Variants in TUT7 observed in about 807,000 individuals in gnomAD.
TUT7 encodes the protein terminal uridylyltransferase 7.
TUT7 carries 33 observed loss-of-function variants against 165.9 expected under a neutral mutation model. The ratio of observed to expected loss-of-function variants is 0.20; its 90% confidence interval spans 0.15 to 0.27. The LOEUF is 0.27. Among genes scored for constraint, TUT7 ranks in the 10% least tolerant of loss-of-function variants. The pLI is 1.00. For missense variants in TUT7, 1,338 were observed against 1,762.3 expected, an observed-to-expected ratio of 0.76 and a Z score of 4.31; for synonymous variants, 552 against 608.1, an observed-to-expected ratio of 0.91 and a Z score of 1.36.
Position 86,353,038 on chromosome 9 carries a change from CTTT to C in TUT7, c.159_161del (p.Lys55del). The C allele has an allele frequency of 6.2e-7, 1 of 1,614,096 alleles. No individual in the cohort carries two copies. Among genetic ancestry groups the C allele is most frequent in the South Asian group, 1.1e-5 (1 of 91,082 alleles). On this transcript the variant is annotated inframe_deletion, in exon 2 of 27. Coordinates refer to ENST00000375963, the MANE Select transcript of TUT7 (RefSeq NM_024617.4). ...TCCCATAGTTCCCTGGTGTTATCTTCTTTTTTTGAAGGCCCTTTTCCATTTTAC... is the reference window on the plus strand; with the variant it reads ...TCCCATAGTTCCCTGGTGTTATCTTCTTTTGAAGGCCCTTTTCCATTTTAC...
rs532120213 is a variant in TUT7, at chr9:86,322,897, A to G, written c.2853T>C (p.Ser951=). ...CCTTGCCTTTGGTGAAGATAAGTTT[A>G]CTGAATTCATAAAAAAAATCAGACT... ...VDQSDFFYEF[S]KLIFTKGKSP... is the part of the protein sequence containing the mutation. The change falls in exon 13 of 27, where the codon AGT becomes AGC. Residue 951 remains serine, a synonymous_variant. Transcript: ENST00000375963. The G allele has an allele frequency of 6.2e-7, 1 of 1,605,402 alleles. No homozygotes were observed. Among genetic ancestry groups the G allele is most frequent in the East Asian group, 2.2e-5 (1 of 44,826 alleles).
intron 9 of TUT7, among the ~76,000 whole-genome samples, chr9:86,338,299 C>G (rs1337436284): frequency 6.6e-6 from 1 of 150,394 alleles, no homozygotes; most frequent in Admixed American, 6.6e-5. Flanking sequence ...GCAACCTGTA[C>G]CTCCCAGGTT....
At position 86,299,779 on chromosome 9, in the gene TUT7, G is replaced by T. The variant is rs544671663; in HGVS notation, c.4420+1497C>A. ...GAAAAAAGAAATTCATCAAAGCTGG[G>T]GCAAATTCTCCACTTTGTTGTACCA... On this transcript the variant is annotated intron_variant, in intron 26 of 26. Transcript: ENST00000375963. Among the ~76,000 whole-genome samples the T allele has an allele frequency of 7.2e-5, 11 of 152,162 alleles. 1 individual carries two copies. In the South Asian group the frequency reaches 2.1e-3, roughly 29 times the overall value.
rs369987036 is a variant in TUT7, at chr9:86,343,066, T to C, written c.1086+9A>G. On this transcript the variant is annotated intron_variant, in intron 6 of 26. Coordinates refer to ENST00000375963, the MANE Select transcript of TUT7 (RefSeq NM_024617.4). The stretch of plus-strand genomic sequence containing the variant: ...CTCTGAAAGTGCCAGCATTTCATTT[T>C]GTACTTACAATGGCTGGAAACTGGA... 1 of 1,580,452 alleles carries C rather than the reference T, an allele frequency of 6.3e-7. No individual in the cohort carries two copies. The highest frequency in any genetic ancestry group is 8.6e-7 in the Non-Finnish European group (1 of 1,156,304).
chr9:86,297,774 A>G (rs796441640), intron 26 of TUT7, among the ~76,000 whole-genome samples: 61 of 152,218 alleles, frequency 4.0e-4, no homozygotes, highest in African/African-American at 1.4e-3. Context: ...CCTTGGCTCA[A>G]AACCCTACAA....
rs1198765083 is a variant in TUT7 at position 86,345,115 on chromosome 9, G to T, written c.859C>A (p.Pro287Thr). Residue 287 changes from proline to threonine, a missense_variant, in exon 5 of 27, where the codon CCA becomes ACA. By Grantham distance (38) the Pro-to-Thr change is conservative. Around this residue, in one of 7 missense-constraint regions of TUT7, gnomAD observed 434 missense variants for 480.8 expected, o/e 0.90. Transcript: ENST00000375963. Reference protein sequence around the residue: ...EEELLTTLPPPTPSQINAVGI... With the variant: ...EEELLTTLPPTTPSQINAVGI... ...ACTGCATTTATCTGGGAGGGTGTTG[G>T]TGGGGGTAACGTAGTGAGCAACTCT... is the stretch of plus-strand genomic sequence containing the variant. 1.2e-6 allele frequency: 2 copies of T among 1,613,346 alleles called. No individual in the cohort carries two copies. Among genetic ancestry groups the T allele is most frequent in the Non-Finnish European group, 1.7e-6 (2 of 1,179,718 alleles).
chr9:86,294,132 T>G (rs1826107968), intron 26 of TUT7, among the ~76,000 whole-genome samples: 1 of 152,140 alleles, frequency 6.6e-6, no homozygotes, highest in African/African-American at 2.4e-5. Flanking sequence ...GTGAATGCCT[T>G]TGTGGTCAAG....
At chr9:86,320,819 A>T (rs1829205820) in intron 14 of TUT7, among the ~76,000 whole-genome samples, 1 of 151,944 alleles carries the variant, frequency 6.6e-6, no homozygotes, top group African/African-American at 2.4e-5. Context: ...ATGAACTGAG[A>T]CTCTTCAGAA....
chr9:86,353,172 C>G lies in TUT7; in HGVS notation c.28G>C (p.Val10Leu). ...GTCCCCCGGTCTTTAGTGCGCTTCA[C>G]GAAATAAGGTTTTGCTGTATCTCCC... MGDTAKPYFVKRTKDRGTMD... is the reference protein window; with the variant it reads MGDTAKPYFLKRTKDRGTMD... The change falls in exon 2 of 27, where the codon GTG becomes CTG. Residue 10 changes from valine (V) to leucine (L), a missense_variant. By Grantham distance (32) the Val-to-Leu change is conservative. Transcript: ENST00000375963. The G allele has an allele frequency of 6.3e-7, 1 of 1,589,536 alleles. No individual in the cohort carries two copies. The highest frequency in any genetic ancestry group is 2.2e-5 in the East Asian group (1 of 44,694).
At chr9:86,291,266 C>G (rs1825874018) in intron 26 of TUT7, among the ~76,000 whole-genome samples, 1 of 151,966 alleles carries the variant, frequency 6.6e-6, no homozygotes, top group South Asian at 2.1e-4. Flanking sequence ...ACAGACAATT[C>G]ACAGAAGAGG....
Position 86,294,745 on chromosome 9 carries a change from TTTA to T in TUT7, c.4421-6004_4421-6002del, listed in dbSNP as rs199658420. On this transcript the variant is annotated intron_variant, in intron 26 of 26. Coordinates refer to ENST00000375963, the MANE Select transcript of TUT7 (RefSeq NM_024617.4). ...ATTATTATTATTATTTTAATATTTG[TTTA>T]TTATTATTATATTTTAAGTTTTAGG... Among the ~76,000 whole-genome samples the T allele has an allele frequency of 6.3e-3, 958 of 151,176 alleles. 13 individuals carry two copies. The highest frequency in any genetic ancestry group is 0.021 in the African/African-American group (886 of 41,418).
At position 86,323,882 on chromosome 9, in the gene TUT7, C is replaced by T. The variant is rs2131446006; in HGVS notation, c.1868G>A (p.Arg623Lys). Residue 623 changes from arginine (R) to lysine (K), a missense_variant, in exon 13 of 27, where the codon AGG (arginine) becomes AAG (lysine). Physicochemically the swap from Arg to Lys is conservative, Grantham distance 26 (BLOSUM62 2). This residue lies in a region of TUT7 where 425 missense variants were observed against 474.9 expected (regional missense o/e 0.89). Transcript: ENST00000375963. Reference sequence around the variant, plus strand: ...AAGAGCAAAATACTTGTATGTTGTCCTTAAACAATGAAGTATATATTCAAA... The same window carrying T: ...AAGAGCAAAATACTTGTATGTTGTCTTTAAACAATGAAGTATATATTCAAA... Reference protein sequence around the residue: ...PVFEYILHCLRTTYKYFALPH... With the variant: ...PVFEYILHCLKTTYKYFALPH... 6.2e-7 allele frequency: 1 copy of T among 1,613,716 alleles called. No homozygotes were observed. Among genetic ancestry groups the T allele is most frequent in the East Asian group, 2.2e-5 (1 of 44,848 alleles).
intron 17 of TUT7, among the ~76,000 whole-genome samples, chr9:86,316,776 C>T (rs1828762119): frequency 6.6e-6 from 1 of 152,122 alleles, no homozygotes; most frequent in Non-Finnish European, 1.5e-5. Context: ...CACTATACTG[C>T]TTCATGGCAT....
chr9:86,341,216 A>C (rs571819090), intron 6 of TUT7, among the ~76,000 whole-genome samples, 163 bp from the exon 7 acceptor site: 6 of 152,346 alleles, frequency 3.9e-5, no homozygotes, highest in Admixed American at 2.6e-4. Context: ...TGTCAGTCAA[A>C]GACAGACAGA....
chr9:86,353,814 C>G (rs1223028279), intron 1 of TUT7, among the ~76,000 whole-genome samples: 1 of 152,178 alleles, frequency 6.6e-6, no homozygotes, highest in African/African-American at 2.4e-5. Flanking sequence ...ATTAAAGAGG[C>G]TGGGTTTCCG....
At position 86,323,295 on chromosome 9, in the gene TUT7, C is replaced by T. The variant is rs368747887; in HGVS notation, c.2455G>A (p.Gly819Ser). The T allele has an allele frequency of 6.2e-7, 1 of 1,613,998 alleles. No individual in the cohort carries two copies. The highest frequency in any genetic ancestry group is 8.5e-7 in the Non-Finnish European group (1 of 1,180,034). Residue 819 changes from glycine to serine, a missense_variant, in exon 13 of 27, where the codon GGT becomes AGT. Around this residue, in one of 7 missense-constraint regions of TUT7, gnomAD observed 425 missense variants for 474.9 expected, o/e 0.89. Coordinates refer to ENST00000375963, the MANE Select transcript of TUT7 (RefSeq NM_024617.4). Reference protein sequence around the residue: ...KADLDGESTEGTEELEDSLNH... With the variant: ...KADLDGESTESTEELEDSLNH... ...AGAGAGTCTTCTAGTTCCTCAGTAC[C>T]TTCTGTACTTTCTCCATCAAGATCA...
intron 10 of TUT7, among the ~76,000 whole-genome samples, chr9:86,329,174 C>T (rs914088150): frequency 2.0e-5 from 3 of 152,100 alleles, no homozygotes; most frequent in East Asian, 3.9e-4. Flanking sequence ...AAATGTCAAA[C>T]GGAGCTGAAC....
chr9:86,302,851 C>G (rs543256313), intron 25 of TUT7, among the ~76,000 whole-genome samples: 6 of 152,246 alleles, frequency 3.9e-5, no homozygotes, highest in Non-Finnish European at 8.8e-5. Flanking sequence ...TCAGGTGATC[C>G]ACTCGCCTTG....
At chr9:86,345,613 G>T in intron 4 of TUT7, 56 bp downstream of exon 4, 2 of 1,257,614 alleles carry the variant, frequency 1.6e-6, no homozygotes, top group South Asian at 1.3e-5. Flanking sequence ...CCACAAAGAT[G>T]ACAAGTAATA....
Sources: allele counts gnomAD v4.1 joint callset (sites outside exome capture counted in the v4.1 genomes callset), GRCh38; gene constraint gnomAD v4.1.1; regional missense constraint gnomAD v4.1.1; transcripts MANE v1.5; gene names NCBI Gene and HGNC (gene_info 2026-07-23, HGNC 2026-07-21).